SBF2: variants seen among roughly 807,000 people sequenced by gnomAD.
SBF2 encodes myotubularin-related protein 13.
A neutral mutation model predicts 225.2 loss-of-function variants in SBF2; 112 were observed. The observed-to-expected ratio is 0.50, with a 90% confidence interval of 0.43 to 0.58. The LOEUF (loss-of-function observed/expected upper bound fraction) is 0.58. Among genes scored for constraint, SBF2 ranks in the 20% least tolerant of loss-of-function variants. The pLI is 0.00. For synonymous variants in SBF2, 763 were observed against 773.3 expected, an observed-to-expected ratio of 0.99 and a Z score of 0.22; for missense variants, 1,996 against 2,206.2, an observed-to-expected ratio of 0.90 and a Z score of 1.91.
chr11:10,249,123 ATG>A (rs1960087964), intron 1 of SBF2, among the ~76,000 whole-genome samples: 1 of 152,114 alleles, frequency 6.6e-6, no homozygotes, highest in Non-Finnish European at 1.5e-5. Flanking sequence ...AAGAAATTCT[ATG>A]TGTGAAAATA....
intron 2 of SBF2, among the ~76,000 whole-genome samples, chr11:10,082,653 G>A (rs1364312354): frequency 6.6e-6 from 1 of 151,912 alleles, no homozygotes; most frequent in Non-Finnish European, 1.5e-5. Context: ...CATCTCAACA[G>A]ATGCAAAAAA....
At chr11:9,959,610 G>C (rs1394969153) in intron 16 of SBF2, 2 of 763,890 alleles carry the variant, frequency 2.6e-6, no homozygotes, top group South Asian at 1.4e-5. Context: ...CAAAGTACTA[G>C]AGCCACCAAA....
chr11:10,128,541 T>C (rs574239152), intron 2 of SBF2, among the ~76,000 whole-genome samples: 1 of 152,346 alleles, frequency 6.6e-6, no homozygotes, highest in East Asian at 1.9e-4. Flanking sequence ...TCCCTGCCTA[T>C]TTTACAACAT....
chr11:10,015,912 C>T (rs779870638), intron 6 of SBF2, among the ~76,000 whole-genome samples: 2 of 152,026 alleles, frequency 1.3e-5, no homozygotes, highest in Non-Finnish European at 2.9e-5. Flanking sequence ...AGCAATTCTC[C>T]TGCCTCAGGT....
At chr11:10,297,530 T>C (rs137857702), upstream of SBF2, among the ~76,000 whole-genome samples, 4 of 152,268 alleles carry the variant, frequency 2.6e-5, no homozygotes, top group Non-Finnish European at 5.9e-5. Flanking sequence ...TTTAGTACTT[T>C]GACCCATTTT....
chr11:10,267,151 T>C (rs1318053233), intron 1 of SBF2, among the ~76,000 whole-genome samples: 1 of 152,190 alleles, frequency 6.6e-6, no homozygotes, highest in Non-Finnish European at 1.5e-5. Flanking sequence ...AAGGGGGCTA[T>C]CTCTTCTTCC....
At chr11:10,065,863 C>T (rs1293512646) in intron 2 of SBF2, among the ~76,000 whole-genome samples, 1 of 151,942 alleles carries the variant, frequency 6.6e-6, no homozygotes, top group East Asian at 1.9e-4. Flanking sequence ...CAGGAGAATC[C>T]TTGAACCCAG....
chr11:9,904,946 G>A (rs192692439), intron 16 of SBF2, among the ~76,000 whole-genome samples: 30 of 152,270 alleles, frequency 2.0e-4, no homozygotes, highest in Non-Finnish European at 2.1e-4. Context: ...CACTTGAGCC[G>A]AGCAGGTGGA....
intron 32 of SBF2, among the ~76,000 whole-genome samples, chr11:9,804,848 A>G (rs551188482): frequency 9.2e-5 from 14 of 152,252 alleles, no homozygotes; most frequent in African/African-American, 3.4e-4. Context: ...TCATCGGTTG[A>G]TGGACATTTG....
intron 17 of SBF2, among the ~76,000 whole-genome samples, chr11:9,872,100 A>G (rs550638440): frequency 2.0e-5 from 3 of 152,364 alleles, no homozygotes; most frequent in Non-Finnish European, 4.4e-5. Context: ...CTGAATAAAG[A>G]AAGTGTGGTA....
chr11:10,098,303 A>C (rs1048148911), intron 2 of SBF2, among the ~76,000 whole-genome samples: 3 of 152,010 alleles, frequency 2.0e-5, no homozygotes. Flanking sequence ...TTCTTCCCTG[A>C]AAAAGGGAAG....
chr11:10,081,956 T>A (rs1247789547), intron 2 of SBF2, among the ~76,000 whole-genome samples: 13 of 151,594 alleles, frequency 8.6e-5, no homozygotes, highest in Admixed American at 8.5e-4. Flanking sequence ...AAGTTGATAC[T>A]TAGAAAATAT....
intron 2 of SBF2, among the ~76,000 whole-genome samples, chr11:10,095,511 C>G (rs1250796660): frequency 6.6e-6 from 1 of 150,968 alleles, no homozygotes; most frequent in Non-Finnish European, 1.5e-5. Context: ...CATTTCTTCC[C>G]CAAATAAAAA....
chr11:9,846,904 T>C, intron 23 of SBF2, 52 bp downstream of exon 23: 1 of 1,606,958 alleles, frequency 6.2e-7, no homozygotes, highest in South Asian at 1.1e-5. Context: ...ATAATATCAT[T>C]TGACTTTTGA....
chr11:9,931,748 CA>C (rs1163780638), intron 16 of SBF2, among the ~76,000 whole-genome samples: 1 of 152,160 alleles, frequency 6.6e-6, no homozygotes, highest in Non-Finnish European at 1.5e-5. Context: ...AGCTCCTCCC[CA>C]GCAATGGAAC....
In SBF2 at chr11:9,853,522, T is replaced by C. The variant is rs564506543; in HGVS notation, c.2536+18A>G. 1.2e-6 allele frequency: 2 copies of C among 1,609,518 alleles called. No homozygotes were observed. The highest frequency in any genetic ancestry group is 1.1e-5 in the South Asian group (1 of 90,966). ...AATCTCCAATATTCTGATTCTCTAA[T>C]ATCTGCAGAGTGATTACCTGGTATC... is the stretch of plus-strand genomic sequence containing the variant. On this transcript the variant is annotated intron_variant, in intron 20 of 39. Transcript: ENST00000256190.
chr11:10,048,179 A>G (rs963699586), intron 2 of SBF2, among the ~76,000 whole-genome samples: 4 of 152,196 alleles, frequency 2.6e-5, no homozygotes, highest in African/African-American at 9.6e-5. Flanking sequence ...AGGAAGCTGC[A>G]GATATGAAAA....
intron 2 of SBF2, among the ~76,000 whole-genome samples, chr11:10,126,394 A>G (rs1953758807): frequency 6.6e-6 from 1 of 152,070 alleles, no homozygotes; most frequent in Non-Finnish European, 1.5e-5. Flanking sequence ...TTATGTATCA[A>G]AGGAATGGTA....
chr11:9,853,792 C>T (rs183407259), intron 19 of SBF2, 80 bp from the exon 20 acceptor site: 48 of 1,324,028 alleles, frequency 3.6e-5, no homozygotes, highest in Middle Eastern at 1.8e-4. Context: ...ATTTACATAG[C>T]GACAGAAACA....
Sources: gnomAD v4.1 joint callset for allele counts (sites outside exome capture counted in the v4.1 genomes callset) on GRCh38, gnomAD v4.1.1 for gene constraint, MANE v1.5 for transcripts, NCBI Gene and HGNC (gene_info 2026-07-23, HGNC 2026-07-21) for gene names.